Variants in SEMA4A observed in about 807,000 individuals in gnomAD.
The protein encoded by SEMA4A is semaphorin 4A.
Under a neutral mutation model 72.5 loss-of-function variants are expected in SEMA4A, and 52 were observed. That is an observed-to-expected ratio of 0.72 (90% CI 0.57 to 0.90). The LOEUF is 0.90. Ranked by LOEUF, SEMA4A falls within the 40% of genes least tolerant of loss-of-function variation. The pLI, the probability that SEMA4A is intolerant of heterozygous loss-of-function variation, is 0.00. For synonymous variants in SEMA4A, 369 were observed against 393.1 expected (o/e 0.94, Z 0.73); for missense variants, 926 against 959.7 (o/e 0.96, Z 0.46).
At chr1:156,163,965 G>A (rs998149787) in intron 10 of SEMA4A, among the ~76,000 whole-genome samples, 2 of 151,298 alleles carry the variant, frequency 1.3e-5, no homozygotes, top group African/African-American at 4.9e-5. Flanking sequence ...GGGAGTTCAA[G>A]GCTGCAGTAA....
intron 11 of SEMA4A, among the ~76,000 whole-genome samples, chr1:156,173,907 C>G (rs1432186308): frequency 1.3e-5 from 2 of 151,952 alleles, no homozygotes; most frequent in Admixed American, 1.3e-4. Context: ...GTCAGGAGTT[C>G]GAGACCAGCC....
chr1:156,161,150 CCTGG>C (rs1653586864), intron 8 of SEMA4A, 121 bp downstream of exon 8: 3 of 637,646 alleles, frequency 4.7e-6, no homozygotes, highest in Non-Finnish European at 7.3e-6. Flanking sequence ...AACAAGCGGG[CCTGG>C]CGGGGTGGGG....
Position 156,177,118 on chromosome 1 carries a change from C to A in SEMA4A, c.*121C>A. On this transcript the variant is annotated 3_prime_UTR_variant, in exon 15 of 15. Coordinates refer to ENST00000368285, the MANE Select transcript of SEMA4A (RefSeq NM_022367.4). Reference sequence around the variant, plus strand: ...GACCACCTTTCTCCCCTGAGAGGAGCTTCTGCTACTCTGCATCACTGATGA... The same window carrying A: ...GACCACCTTTCTCCCCTGAGAGGAGATTCTGCTACTCTGCATCACTGATGA... The A allele has an allele frequency of 2.3e-6, 2 of 851,404 alleles. No homozygotes were observed. The highest frequency in any genetic ancestry group is 3.8e-6 in the Non-Finnish European group (2 of 521,464). The allele number at this position is 851,404 out of a possible 1,614,324, so 52.7% of individuals were successfully genotyped here.
chr1:156,154,644 TCAG>T lies in SEMA4A; in HGVS notation c.68_70del (p.Gln23del). The T allele has an allele frequency of 6.2e-7, 1 of 1,608,872 alleles. No homozygotes were observed. Among genetic ancestry groups the T allele is most frequent in the Middle Eastern group, 1.7e-4 (1 of 6,050 alleles). On this transcript the variant is annotated inframe_deletion, in exon 2 of 15. Transcript: ENST00000368285. ...TGGGCCTTTTCCTCTTCCAACTGCTTCAGCTGCTGCTGCCGACGACGACCGCGG... is the reference window on the plus strand; with the variant it reads ...TGGGCCTTTTCCTCTTCCAACTGCTTCTGCTGCTGCCGACGACGACCGCGG...
In SEMA4A at chr1:156,162,797, C is replaced by T. The variant is rs1653784775; in HGVS notation, c.984-147C>T. 3.1e-6 allele frequency: 3 copies of T among 983,540 alleles called. No homozygotes were observed. In the South Asian group the frequency reaches 4.1e-5, roughly 14 times the overall value. 60.9% of individuals were successfully genotyped at this position (983,540 alleles called of 1,614,324 possible). ...ATGGGGCTCCCTTGGCCCTTATCAA[C>T]ACAGTGAGGGGAAGGAGTGGTAGCT... On this transcript the variant is annotated intron_variant, in intron 9 of 14. Transcript: ENST00000368285.
chr1:156,148,653 G>C (rs1652284798), upstream of SEMA4A, among the ~76,000 whole-genome samples: 1 of 152,178 alleles, frequency 6.6e-6, no homozygotes. Context: ...GTGAGGCAGG[G>C]AGGGTAAATG....
At chr1:156,167,475 C>CAAAAAA (rs58793729) in intron 10 of SEMA4A, among the ~76,000 whole-genome samples, 2 of 103,634 alleles carry the variant, frequency 1.9e-5, no homozygotes, top group African/African-American at 3.5e-5. Flanking sequence ...GACCCTGTCT[C>CAAAAAA]AAAAAAAAAA....
intron 2 of SEMA4A, chr1:156,156,122 G>A (rs1412496598): frequency 9.6e-6 from 4 of 417,662 alleles, no homozygotes; most frequent in South Asian, 2.1e-5. Context: ...CCTCCCCGAC[G>A]GTAGCCCTCC....
chr1:156,170,486 G>GAAAAA (rs1654614926), intron 10 of SEMA4A, among the ~76,000 whole-genome samples: 1 of 136,510 alleles, frequency 7.3e-6, no homozygotes, highest in African/African-American at 2.8e-5. Context: ...AAAAAAAAAG[G>GAAAAA]CCAGGCGCTT....
chr1:156,160,501 G>A lies in SEMA4A; in HGVS notation c.627G>A (p.Met209Ile). The A allele has an allele frequency of 6.2e-7, 1 of 1,614,074 alleles. No homozygotes were observed. Among genetic ancestry groups the A allele is most frequent in the Non-Finnish European group, 8.5e-7 (1 of 1,180,008 alleles). The change falls in exon 7 of 15, where the codon ATG becomes ATA. Residue 209 changes from methionine (M) to isoleucine (I), a missense_variant. Transcript: ENST00000368285. The part of the protein sequence containing the change: ...NNFLGSEPIL[M>I]RTLGSQPVLK... ...TCCTGGGCAGTGAGCCCATCCTGAT[G>A]CGCACACTGGGATCCCAGCCTGTCC...
chr1:156,171,287 C>T (rs946738821), intron 10 of SEMA4A, among the ~76,000 whole-genome samples: 8 of 152,176 alleles, frequency 5.3e-5, no homozygotes, highest in East Asian at 3.8e-4. Context: ...GATCAAGACA[C>T]GGGTGTCCCA....
At chr1:156,163,148 A>G in intron 10 of SEMA4A, 54 bp downstream of exon 10, 3 of 1,593,194 alleles carry the variant, frequency 1.9e-6, no homozygotes, top group East Asian at 2.2e-5. Flanking sequence ...ATGTGCATGA[A>G]AAAACACCTA....
chr1:156,158,365 C>T (rs752472568), intron 4 of SEMA4A, 23 bp from the exon 5 acceptor site: 2 of 1,593,406 alleles, frequency 1.3e-6, no homozygotes, highest in Non-Finnish European at 1.7e-6. Flanking sequence ...GGCCTGGAGA[C>T]CTAAATTCTC....
chr1:156,160,401 C>G, intron 6 of SEMA4A, 42 bp from the exon 7 acceptor site: 1 of 1,497,744 alleles, frequency 6.7e-7, no homozygotes, highest in Non-Finnish European at 9.3e-7. Context: ...CAGAGGAACC[C>G]TCCACCCCAT....
intron 9 of SEMA4A, 148 bp downstream of exon 9, chr1:156,161,666 G>A: frequency 1.3e-6 from 1 of 745,014 alleles, no homozygotes; most frequent in Non-Finnish European, 2.2e-6. Context: ...CCACCTCTCA[G>A]GAATTTGACT....
chr1:156,151,507 G>A (rs185959776), upstream of SEMA4A, among the ~76,000 whole-genome samples: 7 of 152,260 alleles, frequency 4.6e-5, no homozygotes, highest in Admixed American at 2.6e-4. Context: ...CCTCTGAAAC[G>A]CTTTATTGAC....
At chr1:156,155,117 G>A (rs1354506122) in intron 2 of SEMA4A, 7 of 255,706 alleles carry the variant, frequency 2.7e-5, no homozygotes, top group Admixed American at 5.1e-5. Context: ...CCGGTGACCC[G>A]GAGCTCGCCA....
intron 10 of SEMA4A, among the ~76,000 whole-genome samples, chr1:156,170,570 G>A (rs952772546): frequency 6.8e-6 from 1 of 146,984 alleles, no homozygotes; most frequent in Non-Finnish European, 1.5e-5. Context: ...TGGCTAACAT[G>A]GTGAAACCCC....
chr1:156,176,380 T>C, intron 14 of SEMA4A, 25 bp from the exon 15 acceptor site: 1 of 1,547,642 alleles, frequency 6.5e-7, no homozygotes, highest in Non-Finnish European at 8.9e-7. Flanking sequence ...CCCTTAACCC[T>C]TTTGCTCCTT....
Sources: gnomAD v4.1 joint callset for allele counts (sites outside exome capture counted in the v4.1 genomes callset) on GRCh38, gnomAD v4.1.1 for gene constraint, MANE v1.5 for transcripts, NCBI Gene and HGNC (gene_info 2026-07-23, HGNC 2026-07-21) for gene names.